NXF3: variants seen among roughly 807,000 people sequenced by gnomAD.
NXF3 encodes TAP-like protein 3.
Under a neutral mutation model 48.4 loss-of-function variants are expected in NXF3, and 34 were observed. That is an observed-to-expected ratio of 0.70 (90% confidence interval 0.53 to 0.93). NXF3 has a LOEUF of 0.93. Ranked by LOEUF, NXF3 falls within the 40% of genes least tolerant of loss-of-function variation. The pLI, the probability that NXF3 is intolerant of heterozygous loss-of-function variation, is 0.00. For synonymous variants in NXF3, 132 were observed against 145.7 expected (o/e 0.91, Z 0.68); for missense variants, 359 against 406.1 (o/e 0.88, Z 1.00).
Position 103,083,277 on chromosome X carries a change from C to T in NXF3, c.541-4G>A, listed in dbSNP as rs770061552. ...CAGGGTTGACAAAGATTGATATCTG[C>T]AGAGAACCCAAGAGGGGCTGAGTAA... On this transcript the variant is annotated splice_region_variant and splice_polypyrimidine_tract_variant and intron_variant, in intron 5 of 19. Transcript: ENST00000395065. 1.4e-5 allele frequency: 17 copies of T among 1,206,634 alleles called. No homozygotes were observed. The South Asian group carries it at 2.6e-4, about 19-fold the overall frequency.
intron 3 of NXF3, among the ~76,000 whole-genome samples, chrX:103,083,980 C>T (rs954804604): frequency 2.7e-5 from 3 of 111,436 alleles, no homozygotes; most frequent in Admixed American, 1.9e-4. Context: ...TAAAGTCCCA[C>T]AAGAGCCTAC....
rs1431047618 is a variant in NXF3 at position 103,080,425 on chromosome X, C to T, written c.927+151G>A. On this transcript the variant is annotated intron_variant, in intron 10 of 19. Coordinates refer to ENST00000395065, the MANE Select transcript of NXF3 (RefSeq NM_022052.2). The stretch of plus-strand genomic sequence containing the variant: ...AAGCTCCACAGGCTCTGCCAAGTTC[C>T]CACATGGGTCCGTATTCCCTTCCCC... 4.6e-6 allele frequency: 3 copies of T among 645,372 alleles called. No individual in the cohort carries two copies. The African/African-American group carries it at 6.6e-5, about 14-fold the overall frequency. The allele number at this position is 645,372 out of a possible 1,213,427, so 53.2% of individuals were successfully genotyped here.
At chrX:103,082,068 G>T in intron 9 of NXF3, 187 bp downstream of exon 9, 1 of 448,882 alleles carries the variant, frequency 2.2e-6, no homozygotes, top group Non-Finnish European at 4.0e-6. Context: ...GTGAAAAGGG[G>T]ACCATGTCAG....
intron 1 of NXF3, among the ~76,000 whole-genome samples, chrX:103,090,615 T>A (rs1381265697): frequency 8.9e-6 from 1 of 112,228 alleles, no homozygotes; most frequent in Non-Finnish European, 1.9e-5. Flanking sequence ...AAATCCTCTA[T>A]TGAGAATGTG....
intron 1 of NXF3, among the ~76,000 whole-genome samples, chrX:103,090,831 C>T (rs747151551): frequency 2.7e-5 from 3 of 111,628 alleles, no homozygotes; most frequent in African/African-American, 6.5e-5. Context: ...CTGTTTATTA[C>T]GTAGAGACAG....
intron 1 of NXF3, among the ~76,000 whole-genome samples, chrX:103,091,456 A>G (rs1028962508): frequency 4.5e-5 from 5 of 111,239 alleles, no homozygotes; most frequent in African/African-American, 1.3e-4. Context: ...TTTACATTCC[A>G]TTAGGTATTA....
Position 103,088,420 on chromosome X carries a change from G to A in NXF3, c.29-3537C>T, listed in dbSNP as rs755195013. ...AAAACATTGACTTTGCGATTTTCTT[G>A]GCAAAAGCAGTTCCAGAACCAAAAT... On this transcript the variant is annotated intron_variant, in intron 1 of 19. Coordinates refer to ENST00000395065, the MANE Select transcript of NXF3 (RefSeq NM_022052.2). The A allele has an allele frequency of 3.1e-5, 20 of 647,992 alleles. No individual in the cohort carries two copies. In the Middle Eastern group the frequency reaches 1.4e-3, roughly 46 times the overall value. 53.4% of individuals were successfully genotyped at this position (647,992 alleles called of 1,213,427 possible).
rs1921954894 is a variant in NXF3, at chrX:103,079,478, TAGAGG to T, written c.1220-9_1220-5del. The T allele has an allele frequency of 8.3e-7, 1 of 1,203,778 alleles. No homozygotes were observed. The highest frequency in any genetic ancestry group is 1.1e-6 in the Non-Finnish European group (1 of 889,671). ...TTCAGCAGCTCCCCCCGAAGGTCTG[TAGAGG>T]AGAAGAGAAGCAAGGATTTGGGGGG... On this transcript the variant is annotated splice_region_variant and splice_polypyrimidine_tract_variant and intron_variant, in intron 14 of 19. Coordinates refer to ENST00000395065, the MANE Select transcript of NXF3 (RefSeq NM_022052.2).
intron 1 of NXF3, chrX:103,088,107 C>A: frequency 1.1e-6 from 1 of 921,779 alleles, no homozygotes; most frequent in Non-Finnish European, 1.5e-6. Flanking sequence ...TGAATCACAG[C>A]AGATTCTCAA....
In NXF3 at chrX:103,083,395, C is replaced by A. The variant is rs2147593788; in HGVS notation, c.540+3G>T. On this transcript the variant is annotated splice_donor_region_variant and intron_variant, in intron 5 of 19. Transcript: ENST00000395065. ...TAGCCCTGGTCATTCATTTGACACACACCTTTTCATTATCCTCATCCCAAA... is the reference window on the plus strand; with the variant it reads ...TAGCCCTGGTCATTCATTTGACACAAACCTTTTCATTATCCTCATCCCAAA... 8.3e-7 allele frequency: 1 copy of A among 1,200,615 alleles called. No individual in the cohort carries two copies. The highest frequency in any genetic ancestry group is 1.1e-6 in the Non-Finnish European group (1 of 885,341).
chrX:103,086,985 A>C (rs1168854547), intron 1 of NXF3, among the ~76,000 whole-genome samples: 2 of 112,157 alleles, frequency 1.8e-5, no homozygotes, highest in Admixed American at 1.9e-4. Flanking sequence ...AGACTTCAGA[A>C]ACCCGATTGA....
In NXF3 at chrX:103,079,758, C is replaced by T; in HGVS notation, c.1160+5G>A. On this transcript the variant is annotated splice_donor_5th_base_variant and intron_variant, in intron 13 of 19. Coordinates refer to ENST00000395065, the MANE Select transcript of NXF3 (RefSeq NM_022052.2). ...CTGGACCAGGGTCGGAGCTGTGATA[C>T]TCACGGGGCTGAGTCCTCAGGATTG... The T allele has an allele frequency of 8.3e-7, 1 of 1,208,435 alleles. No individual in the cohort carries two copies. The highest frequency in any genetic ancestry group is 1.8e-5 in the South Asian group (1 of 56,783).
intron 16 of NXF3, 26 bp downstream of exon 16, chrX:103,079,195 G>C: frequency 4.2e-6 from 5 of 1,203,650 alleles, no homozygotes; most frequent in Non-Finnish European, 5.6e-6. Flanking sequence ...TGGGGGATCT[G>C]GGGAAGGGAC....
intron 16 of NXF3, 103 bp downstream of exon 16, chrX:103,079,118 G>A: frequency 1.2e-6 from 1 of 863,048 alleles, no homozygotes; most frequent in Non-Finnish European, 1.7e-6. Context: ...ACAAGAGGAA[G>A]GAAAGGAACG....
intron 1 of NXF3, among the ~76,000 whole-genome samples, chrX:103,085,873 A>G (rs1429763726): frequency 5.3e-5 from 5 of 94,280 alleles, no homozygotes; most frequent in Admixed American, 1.3e-4. Flanking sequence ...ACTGCACTCC[A>G]GCCTGGGCGA....
Position 103,086,697 on chromosome X carries a change from G to GAA in NXF3, c.29-1816_29-1815dup, listed in dbSNP as rs199875398. ...ATAAAAAATTCCATCAAATTATCCT[G>GAA]AAAAAAAAACATGTAAAATTTAATA... On this transcript the variant is annotated intron_variant, in intron 1 of 19. Transcript: ENST00000395065. Among the ~76,000 whole-genome samples, 7 of 102,048 alleles carry GAA rather than the reference G, an allele frequency of 6.9e-5. 1 individual carries two copies. Among genetic ancestry groups the GAA allele is most frequent in the African/African-American group, 2.5e-4 (7 of 27,740 alleles). 88.6% of individuals were successfully genotyped at this position (102,048 alleles called of 115,157 possible). A position where few individuals can be genotyped will look rare whatever the true frequency, so the allele number is the denominator to read the frequency against.
chrX:103,076,358 C>A, intron 18 of NXF3, 57 bp from the exon 19 acceptor site: 2 of 1,095,007 alleles, frequency 1.8e-6, no homozygotes, highest in Non-Finnish European at 2.5e-6. Context: ...GACACTCTGA[C>A]AATACAATGC....
chrX:103,081,404 C>G (rs778599466), intron 9 of NXF3: 1 of 112,319 alleles, frequency 8.9e-6, no homozygotes, highest in South Asian at 3.7e-4. Flanking sequence ...AGTCTGGGGA[C>G]CCCCTCTCCC....
chrX:103,082,895 C>G, intron 7 of NXF3, 47 bp from the exon 8 acceptor site: 1 of 1,151,758 alleles, frequency 8.7e-7, no homozygotes, highest in Middle Eastern at 2.4e-4. Flanking sequence ...GAGGGACCCG[C>G]CTGGTACAGC....
Sources: allele counts gnomAD v4.1 joint callset (sites outside exome capture counted in the v4.1 genomes callset), GRCh38; gene constraint gnomAD v4.1.1; transcripts MANE v1.5; gene names NCBI Gene and HGNC (gene_info 2026-07-23, HGNC 2026-07-21).